The following SMARCC1 variants were observed in gnomAD, a reference collection of about 807,000 sequenced individuals.
SMARCC1 encodes SWI/SNF complex subunit SMARCC1.
In SMARCC1, 43 loss-of-function variants were observed where a neutral mutation model predicts 147.4. The ratio of observed to expected loss-of-function variants is 0.29; its 90% CI spans 0.23 to 0.38. The LOEUF (loss-of-function observed/expected upper bound fraction) is 0.38. Among genes scored for constraint, SMARCC1 ranks in the 10% least tolerant of loss-of-function variants. The pLI, the probability that SMARCC1 is intolerant of heterozygous loss-of-function variation, is 1.00. For synonymous variants in SMARCC1, 495 were observed against 484.4 expected (o/e 1.02, Z -0.29); for missense variants, 1,119 against 1,381.1 (o/e 0.81, Z 3.01).
chr3:47,741,552 C>A (rs1453451653), intron 3 of SMARCC1, among the ~76,000 whole-genome samples: 1 of 151,126 alleles, frequency 6.6e-6, no homozygotes, highest in Non-Finnish European at 1.5e-5. Flanking sequence ...AAAGCAAGAA[C>A]AGCCTTTCTC....
chr3:47,601,944 C>G (rs1449735799), intron 26 of SMARCC1: 2 of 152,374 alleles, frequency 1.3e-5, no homozygotes, highest in East Asian at 3.9e-4. Flanking sequence ...AGGTGATCCA[C>G]CCACCTCGGC....
intron 21 of SMARCC1, among the ~76,000 whole-genome samples, chr3:47,658,178 A>C (rs1383366300): frequency 1.3e-5 from 2 of 152,214 alleles, no homozygotes; most frequent in Non-Finnish European, 2.9e-5. Context: ...ATCAGTAATG[A>C]AAATGAGGAC....
At chr3:47,670,428 T>TA in intron 19 of SMARCC1, 1 of 492,128 alleles carries the variant, frequency 2.0e-6, no homozygotes, top group Non-Finnish European at 3.6e-6. Flanking sequence ...CTACAAAAAA[T>TA]ACAAAAATTA....
intron 5 of SMARCC1, among the ~76,000 whole-genome samples, chr3:47,730,093 C>T (rs2034351404): frequency 1.3e-5 from 2 of 152,166 alleles, no homozygotes; most frequent in African/African-American, 2.4e-5. Flanking sequence ...GCAGAAGAAT[C>T]ACTTGAGCCC....
intron 21 of SMARCC1, among the ~76,000 whole-genome samples, chr3:47,649,450 CCTT>C (rs2033159025): frequency 6.6e-6 from 1 of 152,176 alleles, no homozygotes. Context: ...TAGTCCTTAA[CCTT>C]CTTAAAAACT....
intron 26 of SMARCC1, among the ~76,000 whole-genome samples, chr3:47,596,562 G>A (rs1254713400): frequency 2.3e-4 from 34 of 147,516 alleles, no homozygotes; most frequent in African/African-American, 7.2e-4. Context: ...GTCAGACTCC[G>A]TCTCAAAAAA....
intron 22 of SMARCC1, among the ~76,000 whole-genome samples, chr3:47,636,609 C>T (rs557356842): frequency 9.5e-4 from 145 of 152,104 alleles, no homozygotes; most frequent in Non-Finnish European, 1.8e-3. Flanking sequence ...AGAAATTAGC[C>T]GGGCATGGTG....
Position 47,630,471 on chromosome 3 carries a change from A to G in SMARCC1, c.2646+4719T>C, listed in dbSNP as rs534892482. 2.0e-5 allele frequency among the ~76,000 whole-genome samples: 3 copies of G among 152,332 alleles called. No homozygotes were observed. The East Asian group carries it at 5.8e-4, about 29-fold the overall frequency. On this transcript the variant is annotated intron_variant, in intron 24 of 27. Coordinates refer to ENST00000254480, the MANE Select transcript of SMARCC1 (RefSeq NM_003074.4). ...AACATAGGAGAAACAACTGGAGATAAATGATTAACAAGAAGCAATAATCCA... is the reference window on the plus strand; with the variant it reads ...AACATAGGAGAAACAACTGGAGATAGATGATTAACAAGAAGCAATAATCCA...
In SMARCC1 at chr3:47,729,104, A is replaced by C; in HGVS notation, c.577-10T>G. On this transcript the variant is annotated splice_polypyrimidine_tract_variant and intron_variant, in intron 5 of 27. Transcript: ENST00000254480. ...CATCCGTAAATGTTCCCTGGAAAGCAAATGAACAAAAACCACAAAAATAAA... is the reference window on the plus strand; with the variant it reads ...CATCCGTAAATGTTCCCTGGAAAGCCAATGAACAAAAACCACAAAAATAAA... 1 of 1,599,178 alleles carries C rather than the reference A, an allele frequency of 6.3e-7. No individual in the cohort carries two copies. The highest frequency in any genetic ancestry group is 8.6e-7 in the Non-Finnish European group (1 of 1,167,988).
chr3:47,664,425 T>C (rs896310081), intron 19 of SMARCC1, among the ~76,000 whole-genome samples: 1 of 152,214 alleles, frequency 6.6e-6, no homozygotes, highest in African/African-American at 2.4e-5. Flanking sequence ...TAGGCTTCTT[T>C]TTAGTAGAAA....
At chr3:47,644,319 C>A (rs975942490) in intron 21 of SMARCC1, among the ~76,000 whole-genome samples, 3 of 151,968 alleles carry the variant, frequency 2.0e-5, no homozygotes, top group South Asian at 2.1e-4. Flanking sequence ...CACCTCTACA[C>A]AGAAAAAAAT....
At chr3:47,773,196 C>T (rs1419380116) in intron 1 of SMARCC1, among the ~76,000 whole-genome samples, 2 of 151,846 alleles carry the variant, frequency 1.3e-5, no homozygotes, top group Non-Finnish European at 2.9e-5. Flanking sequence ...GGTGCAATCT[C>T]GGCTCACTGC....
chr3:47,604,372 T>A (rs558564009), intron 26 of SMARCC1: 1 of 443,184 alleles, frequency 2.3e-6, no homozygotes, highest in African/African-American at 2.0e-5. Flanking sequence ...ATTATTCCCA[T>A]CATATATCAT....
At chr3:47,707,669 T>A (rs931956290) in intron 9 of SMARCC1, among the ~76,000 whole-genome samples, 1 of 152,022 alleles carries the variant, frequency 6.6e-6, no homozygotes, top group Non-Finnish European at 1.5e-5. Context: ...AGCCCAGAAG[T>A]TCAAGACCAG....
Position 47,622,284 on chromosome 3 carries a change from T to C in SMARCC1, c.2704A>G (p.Thr902Ala). Reference sequence around the variant, plus strand: ...TTGATCTCTAGTTTCTTCATTTGTGTCTCAACCAAGAGAGCTACCAGGGAC... The same window carrying C: ...TTGATCTCTAGTTTCTTCATTTGTGCCTCAACCAAGAGAGCTACCAGGGAC... ...IKSLVALLVE[T>A]QMKKLEIKLR... is the part of the protein sequence containing the mutation. Residue 902 changes from threonine (T) to alanine (A), a missense_variant, in exon 25 of 28, where the codon ACA becomes GCA. Thr to Ala is a moderately conservative substitution (Grantham distance 58). This residue lies in a region of SMARCC1 where 42 missense variants were observed against 89.4 expected (regional missense o/e 0.47). Coordinates refer to ENST00000254480, the MANE Select transcript of SMARCC1 (RefSeq NM_003074.4). The C allele has an allele frequency of 6.2e-7, 1 of 1,611,630 alleles. No individual in the cohort carries two copies. The highest frequency in any genetic ancestry group is 8.5e-7 in the Non-Finnish European group (1 of 1,179,104).
chr3:47,652,653 A>T (rs1186569799), intron 21 of SMARCC1, among the ~76,000 whole-genome samples: 1 of 149,494 alleles, frequency 6.7e-6, no homozygotes, highest in Admixed American at 6.7e-5. Context: ...TACTTCCTCC[A>T]AAGGATTCTC....
Position 47,678,186 on chromosome 3 carries a change from CAA to C in SMARCC1, c.1571+10_1571+11del, listed in dbSNP as rs750500907. Reference sequence around the variant, plus strand: ...TACAGTTAAATGTCTCAGAAAAAGTCAAACAGTTTACCTCATCACAGCACACA... The same window carrying C: ...TACAGTTAAATGTCTCAGAAAAAGTCACAGTTTACCTCATCACAGCACACA... On this transcript the variant is annotated intron_variant, in intron 16 of 27. Coordinates refer to ENST00000254480, the MANE Select transcript of SMARCC1 (RefSeq NM_003074.4). The C allele has an allele frequency of 2.0e-6, 3 of 1,488,976 alleles. No homozygotes were observed. The highest frequency in any genetic ancestry group is 1.9e-5 in the Admixed American group (1 of 52,800). The allele number at this position is 1,488,976 out of a possible 1,614,324, so 92.2% of individuals were successfully genotyped here. A position where few individuals can be genotyped will look rare whatever the true frequency, so the allele number is the denominator to read the frequency against.
At chr3:47,761,941 T>A (rs1187800555) in intron 2 of SMARCC1, among the ~76,000 whole-genome samples, 23 of 152,094 alleles carry the variant, frequency 1.5e-4, no homozygotes. Flanking sequence ...CCTGAATAGC[T>A]GGGATTTTTT....
intron 26 of SMARCC1, among the ~76,000 whole-genome samples, chr3:47,607,388 T>C (rs2032492138): frequency 6.6e-6 from 1 of 152,210 alleles, no homozygotes; most frequent in Non-Finnish European, 1.5e-5. Flanking sequence ...TTTTGGGTTG[T>C]GAATAAGTGT....
Sources: gnomAD v4.1 joint callset for allele counts (sites outside exome capture counted in the v4.1 genomes callset) on GRCh38, gnomAD v4.1.1 for gene constraint, gnomAD v4.1.1 regional missense constraint, MANE v1.5 for transcripts, NCBI Gene and HGNC (gene_info 2026-07-23, HGNC 2026-07-21) for gene names.